The following PASK variants were observed in gnomAD, a reference collection of about 807,000 sequenced individuals.
PASK encodes PAS domain-containing serine/threonine-protein kinase.
In PASK, 110 loss-of-function variants were observed where a neutral mutation model predicts 121.0. That is an observed-to-expected ratio of 0.91 (90% confidence interval 0.78 to 1.06). The LOEUF is 1.06. PASK is among the 50% of genes least tolerant of loss of function. The pLI, the probability that PASK is intolerant of heterozygous loss-of-function variation, is 0.00. For synonymous variants in PASK, 686 were observed against 717.8 expected, an observed-to-expected ratio of 0.96 and a Z score of 0.71; for missense variants, 1,643 against 1,702.3, an observed-to-expected ratio of 0.97 and a Z score of 0.61.
In PASK at chr2:241,149,462, A is replaced by C; in HGVS notation, c.-91T>G. On this transcript the variant is annotated 5_prime_UTR_variant, in exon 1 of 18. Coordinates refer to ENST00000234040, the MANE Select transcript of PASK (RefSeq NM_015148.4). ...AAGCCGGCTACACACCACGGAAAGG[A>C]GCCCTTCCGCGCTTTTATCCCACCG... 1 of 592,878 alleles carries C rather than the reference A, an allele frequency of 1.7e-6. No homozygotes were observed. 36.7% of individuals were successfully genotyped at this position (592,878 alleles called of 1,614,324 possible). A position where few individuals can be genotyped will look rare whatever the true frequency, so the allele number is the denominator to read the frequency against.
chr2:241,121,768 T>G (rs565852647), intron 12 of PASK, among the ~76,000 whole-genome samples: 43 of 152,380 alleles, frequency 2.8e-4, no homozygotes, highest in Non-Finnish European at 4.7e-4. Flanking sequence ...AATTAGGAAT[T>G]AGTTCATCAA....
upstream of PASK, chr2:241,150,321 G>A: frequency 7.5e-7 from 1 of 1,329,872 alleles, no homozygotes; most frequent in Non-Finnish European, 9.6e-7. Context: ...GGGAGGCGCG[G>A]CGCGCGGCCT....
chr2:241,116,270 G>C (rs1025860857), intron 12 of PASK, among the ~76,000 whole-genome samples: 3 of 152,248 alleles, frequency 2.0e-5, no homozygotes, highest in Admixed American at 2.0e-4. Flanking sequence ...GGACATGAAA[G>C]AAGAAACAAA....
At chr2:241,118,773 C>A in intron 12 of PASK, 2 of 322,486 alleles carry the variant, frequency 6.2e-6, no homozygotes, top group South Asian at 8.1e-5. Context: ...GGGCCCACGG[C>A]GCAGGGCAGA....
chr2:241,128,194 G>A (rs1474552773), intron 9 of PASK, among the ~76,000 whole-genome samples: 1 of 152,218 alleles, frequency 6.6e-6, no homozygotes, highest in African/African-American at 2.4e-5. Flanking sequence ...GCAGGAGAAT[G>A]GTTTGAGCCT....
At chr2:241,132,071 A>G (rs1411589441) in intron 9 of PASK, among the ~76,000 whole-genome samples, 4 of 145,610 alleles carry the variant, frequency 2.7e-5, no homozygotes, top group African/African-American at 9.9e-5. Context: ...AAAAAAAAAA[A>G]AGATTCCGAA....
rs531656500 is a variant in PASK at position 241,144,452 on chromosome 2, G to A, written c.-42-1378C>T. 4.3e-4 allele frequency among the ~76,000 whole-genome samples: 65 copies of A among 152,252 alleles called. 1 individual carries two copies. Among genetic ancestry groups the A allele is most frequent in the East Asian group, 1.9e-4 (1 of 5,168 alleles). ...GAACCATGGCTGGAGTTTCCCCCACGAAATGAGGAGACCCTGGGGCCAAGG... is the reference window on the plus strand; with the variant it reads ...GAACCATGGCTGGAGTTTCCCCCACAAAATGAGGAGACCCTGGGGCCAAGG... On this transcript the variant is annotated intron_variant, in intron 1 of 17. Coordinates refer to ENST00000234040, the MANE Select transcript of PASK (RefSeq NM_015148.4).
chr2:241,140,916 A>G (rs2066672241), intron 2 of PASK, 163 bp from the exon 3 acceptor site: 1 of 667,838 alleles, frequency 1.5e-6, no homozygotes, highest in Non-Finnish European at 2.8e-6. Flanking sequence ...GTGTCTGAAC[A>G]TGGTCCCCAG....
chr2:241,139,867 G>T lies in PASK; in HGVS notation c.600+18C>A, dbSNP rs1218077181. 1.9e-6 allele frequency: 3 copies of T among 1,612,870 alleles called. No homozygotes were observed. Among genetic ancestry groups the T allele is most frequent in the Non-Finnish European group, 2.5e-6 (3 of 1,179,210 alleles). On this transcript the variant is annotated intron_variant, in intron 4 of 17. Transcript: ENST00000234040. ...TGGTCTTGAGGCCAGACTGAACGCT[G>T]CACCCGCATCCACTCACCACCGTGC...
intron 1 of PASK, among the ~76,000 whole-genome samples, chr2:241,144,492 C>T (rs746136601): frequency 1.3e-5 from 2 of 152,176 alleles, no homozygotes; most frequent in Non-Finnish European, 2.9e-5. Context: ...CCCAACCACA[C>T]CCCATATACC....
rs762120380 is a variant in PASK, at chr2:241,107,422, G to T, written c.3745C>A (p.Pro1249Thr). 4 of 1,613,696 alleles carry T rather than the reference G, an allele frequency of 2.5e-6. No homozygotes were observed. Among genetic ancestry groups the T allele is most frequent in the Non-Finnish European group, 3.4e-6 (4 of 1,179,728 alleles). ...AGATTCACAGGCTGTGTTACCCACG[G>T]GTCTGTCACCAGCTTCTCCAAGGTG... ...RTTLEKLVTD[P>T]WVTQPVNLAD... The change falls in exon 17 of 18, where the codon CCG becomes ACG. Residue 1249 changes from proline (P) to threonine (T), a missense_variant. Coordinates refer to ENST00000234040, the MANE Select transcript of PASK (RefSeq NM_015148.4).
At chr2:241,130,658 A>G (rs12613100) in intron 9 of PASK, among the ~76,000 whole-genome samples, 24,588 of 152,146 alleles carry the variant, frequency 0.16, 2,937 homozygotes, top group East Asian at 0.66. Flanking sequence ...CAGTGGAAGT[A>G]GAGCAAATAG....
chr2:241,132,527 TAAAAAAAAAAA>T (rs71049553), intron 9 of PASK, among the ~76,000 whole-genome samples: 6 of 39,532 alleles, frequency 1.5e-4, no homozygotes, highest in African/African-American at 5.0e-4. Context: ...AGACTCTGTC[TAAAAAAAAAAA>T]AAAAAAAAAA....
intron 1 of PASK, among the ~76,000 whole-genome samples, chr2:241,143,840 C>T (rs968661899): frequency 4.6e-5 from 7 of 152,250 alleles, no homozygotes; most frequent in African/African-American, 9.6e-5. Flanking sequence ...CAAGTGAGGT[C>T]GCGGGGGCCA....
chr2:241,119,083 GC>G, intron 12 of PASK: 1 of 333,158 alleles, frequency 3.0e-6, no homozygotes, highest in Non-Finnish European at 4.4e-6. Flanking sequence ...CGGGAGGGAA[GC>G]CCACAAACCA....
At chr2:241,130,766 G>A (rs376355707) in intron 9 of PASK, among the ~76,000 whole-genome samples, 5 of 152,122 alleles carry the variant, frequency 3.3e-5, no homozygotes, top group East Asian at 2.0e-4. Flanking sequence ...CCGGCACATC[G>A]GCCAGTGGGA....
At position 241,119,468 on chromosome 2, in the gene PASK, CTTTTTTTTT is replaced by C. The variant is rs36113805; in HGVS notation, c.3072+3255_3072+3263del. Among the ~76,000 whole-genome samples, 406 of 134,226 alleles carry C rather than the reference CTTTTTTTTT, an allele frequency of 3.0e-3. 1 individual carries two copies. Among genetic ancestry groups the C allele is most frequent in the African/African-American group, 0.011 (386 of 35,030 alleles). The allele number at this position is 134,226 out of a possible 152,430, so 88.1% of individuals were successfully genotyped here. ...CTTCATGTCAGTAAGCAAGATGCTTCTTTTTTTTTTTTTTTTTGGAGACAAGAGTCTTGC... is the reference window on the plus strand; with the variant it reads ...CTTCATGTCAGTAAGCAAGATGCTTCTTTTTTTTGGAGACAAGAGTCTTGC... On this transcript the variant is annotated intron_variant, in intron 12 of 17. Coordinates refer to ENST00000234040, the MANE Select transcript of PASK (RefSeq NM_015148.4).
At position 241,127,227 on chromosome 2, in the gene PASK, C is replaced by A. The variant is rs762155290; in HGVS notation, c.1688G>T (p.Gly563Val). 6.2e-7 allele frequency: 1 copy of A among 1,614,266 alleles called. No individual in the cohort carries two copies. The part of the protein sequence containing the change: ...VPAEDGGSDA[G>V]MCGLCQKAQL... Reference sequence around the variant, plus strand: ...GGCCTTCTGACACAGGCCACACATGCCAGCATCACTGCCCCCATCCTCAGC... The same window carrying A: ...GGCCTTCTGACACAGGCCACACATGACAGCATCACTGCCCCCATCCTCAGC... The change falls in exon 10 of 18, where the codon GGC becomes GTC. Residue 563 changes from glycine (G) to valine (V), a missense_variant. Physicochemically the swap from Gly to Val is moderately radical, Grantham distance 109. Coordinates refer to ENST00000234040, the MANE Select transcript of PASK (RefSeq NM_015148.4).
At chr2:241,146,817 T>C (rs1037333618) in intron 1 of PASK, among the ~76,000 whole-genome samples, 1 of 152,254 alleles carries the variant, frequency 6.6e-6, no homozygotes, top group African/African-American at 2.4e-5. Context: ...ACAGGTCCCC[T>C]GATTTCCTAG....
Sources: gnomAD v4.1 joint callset for allele counts (sites outside exome capture counted in the v4.1 genomes callset) on GRCh38, gnomAD v4.1.1 for gene constraint, MANE v1.5 for transcripts, NCBI Gene and HGNC (gene_info 2026-07-23, HGNC 2026-07-21) for gene names.